The following MIS18BP1 variants were observed in gnomAD, a reference collection of about 807,000 sequenced individuals.
The protein encoded by MIS18BP1 is MIS18 binding protein 1.
Under a neutral mutation model 116.1 loss-of-function variants are expected in MIS18BP1, and 72 were observed. The observed-to-expected ratio is 0.62, with a 90% confidence interval of 0.51 to 0.75. The LOEUF is 0.75. MIS18BP1 is among the 30% of genes least tolerant of loss of function. The probability of loss-of-function intolerance (pLI) is 0.00; values close to 1 mark genes in which losing one functional copy is unlikely to be tolerated. For missense variants in MIS18BP1, 1,363 were observed against 1,303.2 expected, an observed-to-expected ratio of 1.05 and a Z score of -0.71; for synonymous variants, 386 against 427.0, an observed-to-expected ratio of 0.90 and a Z score of 1.18.
intron 14 of MIS18BP1, among the ~76,000 whole-genome samples, chr14:45,207,454 C>T (rs1351618965): frequency 6.6e-6 from 1 of 152,144 alleles, no homozygotes; most frequent in Non-Finnish European, 1.5e-5. Context: ...AGTTCAAGAC[C>T]AGCCTGGCCA....
At chr14:45,235,760 ATGGTTAAC>A in intron 6 of MIS18BP1, 46 bp downstream of exon 6, 1 of 1,476,278 alleles carries the variant, frequency 6.8e-7, no homozygotes, top group Non-Finnish European at 9.2e-7. Context: ...TGTGAGAAAC[ATGGTTAAC>A]TGCTTTACTT....
rs142761874 is a variant in MIS18BP1, at chr14:45,207,015, C to T, written c.3153-845G>A. Among the ~76,000 whole-genome samples, 811 of 152,274 alleles carry T rather than the reference C, an allele frequency of 5.3e-3. 3 individuals are homozygous for T. The highest frequency in any genetic ancestry group is 8.9e-3 in the Non-Finnish European group (606 of 68,022). On this transcript the variant is annotated intron_variant, in intron 14 of 16. Coordinates refer to ENST00000310806, the MANE Select transcript of MIS18BP1 (RefSeq NM_018353.5). ...TTTATCTTTCTTGAATTCCCCATAC[C>T]AACCACCAAATTTTTTTTCTTTATT...
At chr14:45,211,242 A>T (rs557843500) in intron 13 of MIS18BP1, among the ~76,000 whole-genome samples, 1 of 152,158 alleles carries the variant, frequency 6.6e-6, no homozygotes, top group Non-Finnish European at 1.5e-5. Flanking sequence ...ATTTCCTTAG[A>T]AGCTTCAGGG....
chr14:45,250,507 C>A (rs549859697), intron 1 of MIS18BP1, among the ~76,000 whole-genome samples: 15 of 152,220 alleles, frequency 9.9e-5, no homozygotes, highest in Admixed American at 5.2e-4. Flanking sequence ...TGTCCTGAAG[C>A]CAAGCACATT....
chr14:45,233,131 A>T (rs1891334973), intron 6 of MIS18BP1, among the ~76,000 whole-genome samples: 1 of 152,204 alleles, frequency 6.6e-6, no homozygotes. Flanking sequence ...ACAGCAATTT[A>T]AAAAAGGATA....
At position 45,242,470 on chromosome 14, in the gene MIS18BP1, G is replaced by T; in HGVS notation, c.707C>A (p.Ala236Asp). Residue 236 changes from alanine to aspartate, a missense_variant, in exon 4 of 17, where the codon GCC (alanine) becomes GAC (aspartate). Ala to Asp is a moderately radical substitution (Grantham distance 126). Coordinates refer to ENST00000310806, the MANE Select transcript of MIS18BP1 (RefSeq NM_018353.5). ...QEQENFLAVE[A>D]RNKTLTRAQL... ...AGCTCTAGTTAATGTCTTGTTTCGG[G>T]CTTCTACAGCCAAAAAATTTTCCTG... 1.2e-6 allele frequency: 2 copies of T among 1,600,734 alleles called. No homozygotes were observed. The highest frequency in any genetic ancestry group is 8.5e-7 in the Non-Finnish European group (1 of 1,176,612).
At chr14:45,210,961 G>A (rs1247048838) in intron 13 of MIS18BP1, among the ~76,000 whole-genome samples, 5 of 152,216 alleles carry the variant, frequency 3.3e-5, no homozygotes, top group Non-Finnish European at 4.4e-5. Context: ...TCTATTAAAT[G>A]TTTCTGAGAA....
At chr14:45,227,591 C>T in intron 9 of MIS18BP1, 72 bp downstream of exon 9, 1 of 1,364,208 alleles carries the variant, frequency 7.3e-7, no homozygotes, top group Non-Finnish European at 1.0e-6. Context: ...TGATATGGTC[C>T]CAAACCTTTT....
chr14:45,213,537 G>C (rs1339203984), intron 13 of MIS18BP1, among the ~76,000 whole-genome samples: 1 of 152,168 alleles, frequency 6.6e-6, no homozygotes, highest in African/African-American at 2.4e-5. Flanking sequence ...TAATCAGATA[G>C]GGAATATTTT....
chr14:45,230,253 A>C (rs1038555004), intron 8 of MIS18BP1, among the ~76,000 whole-genome samples: 3 of 152,196 alleles, frequency 2.0e-5, no homozygotes, highest in African/African-American at 7.2e-5. Flanking sequence ...ATGTTCATAC[A>C]TTTTTATACA....
chr14:45,242,633 G>A, intron 3 of MIS18BP1, 115 bp from the exon 4 acceptor site: 1 of 1,463,242 alleles, frequency 6.8e-7, no homozygotes, highest in Non-Finnish European at 9.1e-7. Flanking sequence ...CTTTCTCTGA[G>A]TGTCTCTTTT....
intron 6 of MIS18BP1, among the ~76,000 whole-genome samples, chr14:45,234,978 G>A (rs1555372224): frequency 6.6e-6 from 1 of 152,142 alleles, no homozygotes; most frequent in Non-Finnish European, 1.5e-5. Flanking sequence ...AACACTTTGG[G>A]AGGCTGAGGT....
intron 13 of MIS18BP1, among the ~76,000 whole-genome samples, chr14:45,216,682 AATCC>A (rs371809933): frequency 4.7e-4 from 71 of 152,326 alleles, no homozygotes; most frequent in African/African-American, 1.5e-3. Context: ...ACTATCACTT[AATCC>A]CTCCTTTCAA....
At chr14:45,243,292 G>A (rs1891634972) in intron 2 of MIS18BP1, among the ~76,000 whole-genome samples, 1 of 152,098 alleles carries the variant, frequency 6.6e-6, no homozygotes, top group African/African-American at 2.4e-5. Context: ...AAGCATGAAA[G>A]ATAGTCGAAG....
At chr14:45,221,438 AAAAT>A (rs774586683) in intron 11 of MIS18BP1, among the ~76,000 whole-genome samples, 2 of 151,952 alleles carry the variant, frequency 1.3e-5, no homozygotes, top group African/African-American at 4.8e-5. Flanking sequence ...CTCCGTCTCA[AAAAT>A]AAATAAATAA....
At position 45,217,082 on chromosome 14, in the gene MIS18BP1, C is replaced by T. The variant is rs748620507; in HGVS notation, c.2940G>A (p.Gln980=). 1.9e-6 allele frequency: 3 copies of T among 1,614,018 alleles called. No homozygotes were observed. In the African/African-American group the frequency reaches 4.0e-5, roughly 22 times the overall value. ...AATCATCATGGTCATCTTTTGGCAA[C>T]TGTTCCAGAAATTCCCTCATCTGTT... is the stretch of plus-strand genomic sequence containing the variant. ...RKQQMREFLE[Q]LPKDDHDDFF... Residue 980 remains glutamine, a synonymous_variant, in exon 13 of 17, where the codon CAG becomes CAA. Transcript: ENST00000310806.
At chr14:45,249,648 A>C (rs941245354) in intron 1 of MIS18BP1, among the ~76,000 whole-genome samples, 1 of 152,190 alleles carries the variant, frequency 6.6e-6, no homozygotes, top group Non-Finnish European at 1.5e-5. Flanking sequence ...AGGCAGGAGA[A>C]TCACTTGAGG....
chr14:45,245,790 T>C (rs1263283000), intron 2 of MIS18BP1, among the ~76,000 whole-genome samples: 2 of 152,250 alleles, frequency 1.3e-5, no homozygotes, highest in Non-Finnish European at 2.9e-5. Context: ...TAAAATACCA[T>C]TTAGGTGCTA....
rs1358271409 is a variant in MIS18BP1, at chr14:45,223,932, TA to T, written c.2654del (p.Leu885TyrfsTer22). On this transcript the variant is annotated frameshift_variant, in exon 11 of 17. Coordinates refer to ENST00000310806, the MANE Select transcript of MIS18BP1 (RefSeq NM_018353.5). LOFTEE classifies it high-confidence loss of function. ...TAACTACTTACCAATGAAGTTTCTG[TA>T]ACTCCTTCTCATTCCATTCCTTATC... ...IQDKEWNEKELQKLHCAFASL... is the reference protein window; with the variant it reads ...IQDKEWNEKEXQKLHCAFASL... 2 of 1,577,188 alleles carry T rather than the reference TA, an allele frequency of 1.3e-6. No homozygotes were observed. Among genetic ancestry groups the T allele is most frequent in the East Asian group, 4.5e-5 (2 of 44,598 alleles).
Sources: allele counts gnomAD v4.1 joint callset (sites outside exome capture counted in the v4.1 genomes callset), GRCh38; gene constraint gnomAD v4.1.1; transcripts MANE v1.5; gene names NCBI Gene and HGNC (gene_info 2026-07-23, HGNC 2026-07-21).